PRKCE: variants seen among roughly 807,000 people sequenced by gnomAD.
PRKCE encodes the protein protein kinase C epsilon, also known as protein kinase C epsilon type.
In PRKCE, 16 loss-of-function variants were observed where a neutral mutation model predicts 85.4. The observed-to-expected ratio is 0.19, with a 90% CI of 0.13 to 0.28. The LOEUF is 0.28. Among genes scored for constraint, PRKCE ranks in the 10% least tolerant of loss-of-function variants. The pLI is 1.00. For missense variants in PRKCE, 573 were observed against 975.2 expected (o/e 0.59, Z 5.49); for synonymous variants, 388 against 371.5 (o/e 1.04, Z -0.51).
chr2:45,939,577 A>T (rs1471895229), intron 2 of PRKCE, among the ~76,000 whole-genome samples: 1 of 150,292 alleles, frequency 6.7e-6, no homozygotes, highest in Non-Finnish European at 1.5e-5. Flanking sequence ...TTTTTTTGAG[A>T]AGGCGTCTCA....
chr2:45,695,965 G>A (rs1042444552), intron 1 of PRKCE, among the ~76,000 whole-genome samples: 4 of 152,036 alleles, frequency 2.6e-5, no homozygotes, highest in Admixed American at 6.6e-5. Context: ...TATACTTTAA[G>A]TTTTAGGGTA....
chr2:46,039,967 C>T (rs1708124668), intron 10 of PRKCE, among the ~76,000 whole-genome samples: 1 of 152,194 alleles, frequency 6.6e-6, no homozygotes, highest in Admixed American at 6.5e-5. Flanking sequence ...GCCATGCTTG[C>T]AAGCCTGTGC....
intron 2 of PRKCE, among the ~76,000 whole-genome samples, chr2:45,961,426 G>A (rs980517214): frequency 1.1e-4 from 17 of 152,152 alleles, no homozygotes; most frequent in Admixed American, 5.9e-4. Context: ...TTCATTTTCC[G>A]TGAGTCGGTT....
At chr2:46,090,445 C>T (rs72806772) in intron 11 of PRKCE, among the ~76,000 whole-genome samples, 22,198 of 152,026 alleles carry the variant, frequency 0.15, 1,806 homozygotes, top group Middle Eastern at 0.24. Context: ...TATGATACCT[C>T]TTCTGTGATT....
chr2:45,777,976 C>T (rs937335861), intron 1 of PRKCE, among the ~76,000 whole-genome samples: 8 of 152,084 alleles, frequency 5.3e-5, no homozygotes, highest in African/African-American at 1.2e-4. Flanking sequence ...GACTTGGCAC[C>T]GAGTCTGTAT....
intron 10 of PRKCE, among the ~76,000 whole-genome samples, chr2:46,023,695 G>T (rs571337257): frequency 6.6e-6 from 1 of 152,266 alleles, no homozygotes; most frequent in African/African-American, 2.4e-5. Flanking sequence ...ATTGGGGCTG[G>T]CTTCCAAATG....
intron 2 of PRKCE, among the ~76,000 whole-genome samples, chr2:45,941,533 C>T (rs951038688): frequency 6.6e-5 from 10 of 152,162 alleles, no homozygotes; most frequent in Admixed American, 3.9e-4. Flanking sequence ...AAAGCAGGGC[C>T]GTGAAGGGGT....
chr2:45,668,456 C>A (rs768770485), intron 1 of PRKCE, among the ~76,000 whole-genome samples: 20 of 152,084 alleles, frequency 1.3e-4, no homozygotes, highest in Non-Finnish European at 2.5e-4. Flanking sequence ...GTTTATAATT[C>A]TTTATGTCCG....
chr2:46,137,981 ATTAG>A (rs1288217038), intron 11 of PRKCE, among the ~76,000 whole-genome samples: 3 of 152,280 alleles, frequency 2.0e-5, no homozygotes, highest in East Asian at 3.9e-4. Flanking sequence ...ACCCTAATAA[ATTAG>A]TTAGTATAGT....
intron 1 of PRKCE, among the ~76,000 whole-genome samples, chr2:45,727,188 G>A (rs374357323): frequency 6.6e-5 from 10 of 152,294 alleles, no homozygotes; most frequent in African/African-American, 2.4e-4. Flanking sequence ...CTTCTCCGGA[G>A]TAGAAAACTG....
chr2:46,043,976 G>C (rs116176430), intron 10 of PRKCE, among the ~76,000 whole-genome samples: 1 of 152,206 alleles, frequency 6.6e-6, no homozygotes, highest in African/African-American at 2.4e-5. Flanking sequence ...ACTGGCTGGG[G>C]TGTCCTGAGC....
At chr2:46,011,445 A>G (rs1204816589) in intron 10 of PRKCE, among the ~76,000 whole-genome samples, 8 of 152,172 alleles carry the variant, frequency 5.3e-5, no homozygotes. Context: ...ATATTTCATT[A>G]TATCCTTCCC....
intron 10 of PRKCE, among the ~76,000 whole-genome samples, chr2:46,039,196 G>A (rs1005629794): frequency 6.6e-6 from 1 of 152,192 alleles, no homozygotes; most frequent in Non-Finnish European, 1.5e-5. Flanking sequence ...TGGATGCAAT[G>A]TTAAGTCCTT....
chr2:45,890,136 G>A (rs1000182067), intron 2 of PRKCE, among the ~76,000 whole-genome samples: 3 of 152,140 alleles, frequency 2.0e-5, no homozygotes, highest in Admixed American at 6.5e-5. Context: ...AAGGATAGTC[G>A]TTTTAATTTT....
intron 2 of PRKCE, among the ~76,000 whole-genome samples, chr2:45,932,305 T>C (rs1420961624): frequency 6.6e-6 from 1 of 151,488 alleles, no homozygotes; most frequent in Non-Finnish European, 1.5e-5. Flanking sequence ...ATATATCCGT[T>C]CTATAACTGA....
At chr2:45,773,988 C>T (rs1006850969) in intron 1 of PRKCE, among the ~76,000 whole-genome samples, 12 of 152,214 alleles carry the variant, frequency 7.9e-5, no homozygotes, top group African/African-American at 2.7e-4. Context: ...GCTGTCATCC[C>T]GTGGCTGCTG....
intron 2 of PRKCE, among the ~76,000 whole-genome samples, chr2:45,936,384 C>T (rs1464880331): frequency 2.0e-5 from 3 of 152,204 alleles, no homozygotes; most frequent in Admixed American, 6.5e-5. Context: ...ACCTTTGGGC[C>T]AGCACCCACG....
intron 1 of PRKCE, among the ~76,000 whole-genome samples, chr2:45,818,100 A>C (rs557486956): frequency 3.2e-4 from 49 of 152,352 alleles, no homozygotes; most frequent in Admixed American, 1.3e-3. Context: ...GGGATAGGCA[A>C]GGGGAATTTC....
chr2:45,795,330 T>C (rs1687349046), intron 1 of PRKCE, among the ~76,000 whole-genome samples: 1 of 152,148 alleles, frequency 6.6e-6, no homozygotes, highest in South Asian at 2.1e-4. Context: ...TTTTTTGAGA[T>C]GGAGTGTTGC....
Sources: allele counts gnomAD v4.1 joint callset (sites outside exome capture counted in the v4.1 genomes callset), GRCh38; gene constraint gnomAD v4.1.1; transcripts MANE v1.5; gene names NCBI Gene and HGNC (gene_info 2026-07-23, HGNC 2026-07-21).